Variants in GMDS observed in about 807,000 individuals in gnomAD.
GMDS encodes GDP-mannose 4,6-dehydratase.
GMDS carries 20 observed loss-of-function variants against 49.9 expected under a neutral mutation model. The ratio of observed to expected loss-of-function variants is 0.40; its 90% CI spans 0.28 to 0.58. The LOEUF is 0.58. GMDS is among the 20% of genes least tolerant of loss of function. The pLI is 0.42. For missense variants in GMDS, 362 were observed against 481.4 expected, an observed-to-expected ratio of 0.75 and a Z score of 2.32; for synonymous variants, 177 against 178.6, an observed-to-expected ratio of 0.99 and a Z score of 0.07.
At chr6:2,189,309 G>A (rs913519713) in intron 1 of GMDS, among the ~76,000 whole-genome samples, 1 of 152,180 alleles carries the variant, frequency 6.6e-6, no homozygotes, top group Non-Finnish European at 1.5e-5. Context: ...GAAGGAGACC[G>A]TCAGGGGTGC....
intron 8 of GMDS, among the ~76,000 whole-genome samples, chr6:1,738,631 T>C (rs1767141067): frequency 6.6e-6 from 1 of 151,896 alleles, no homozygotes; most frequent in South Asian, 2.1e-4. Flanking sequence ...TCATGTAATA[T>C]GAGGCAAGGA....
chr6:1,911,593 C>A (rs1246340686), intron 7 of GMDS, among the ~76,000 whole-genome samples: 1 of 148,982 alleles, frequency 6.7e-6, no homozygotes, highest in Non-Finnish European at 1.5e-5. Context: ...AAAGAATGAA[C>A]AGCAATCATG....
At chr6:1,967,769 A>C (rs1346125773) in intron 4 of GMDS, among the ~76,000 whole-genome samples, 1 of 152,202 alleles carries the variant, frequency 6.6e-6, no homozygotes, top group Non-Finnish European at 1.5e-5. Context: ...AAGTCATAGG[A>C]AGCAGGAAAT....
At chr6:2,150,257 G>A (rs553900488) in intron 1 of GMDS, among the ~76,000 whole-genome samples, 2 of 152,198 alleles carry the variant, frequency 1.3e-5, no homozygotes, top group South Asian at 2.1e-4. Flanking sequence ...ATAAATTAAT[G>A]ATTTCACTAA....
At chr6:2,074,360 T>A (rs904572977) in intron 4 of GMDS, among the ~76,000 whole-genome samples, 3 of 151,286 alleles carry the variant, frequency 2.0e-5, no homozygotes, top group African/African-American at 7.4e-5. Flanking sequence ...TTCAATGGGA[T>A]TTTTTTTATT....
chr6:1,959,981 T>A lies in GMDS; in HGVS notation c.539-10A>T. ...TAGAGTTTTGCTGCCCCTGTTGGAATAATTTTTTTTAAGCAATGAAGTTTG... is the reference window on the plus strand; with the variant it reads ...TAGAGTTTTGCTGCCCCTGTTGGAAAAATTTTTTTTAAGCAATGAAGTTTG... On this transcript the variant is annotated splice_polypyrimidine_tract_variant and intron_variant, in intron 5 of 10. Coordinates refer to ENST00000380815, the MANE Select transcript of GMDS (RefSeq NM_001500.4). The A allele has an allele frequency of 1.3e-6, 2 of 1,533,442 alleles. No homozygotes were observed. The highest frequency in any genetic ancestry group is 9.0e-7 in the Non-Finnish European group (1 of 1,117,100). The allele number at this position is 1,533,442 out of a possible 1,614,324, so 95.0% of individuals were successfully genotyped here.
At chr6:2,011,271 T>C (rs1207679225) in intron 4 of GMDS, among the ~76,000 whole-genome samples, 2 of 152,158 alleles carry the variant, frequency 1.3e-5, no homozygotes, top group African/African-American at 4.8e-5. Context: ...ACAGTCCAAA[T>C]GACTATTACT....
At chr6:1,962,727 G>A (rs1764025143) in intron 4 of GMDS, among the ~76,000 whole-genome samples, 1 of 151,424 alleles carries the variant, frequency 6.6e-6, no homozygotes, top group African/African-American at 2.4e-5. Flanking sequence ...TTTTAAATTG[G>A]GTCATTTGTT....
At chr6:1,819,776 A>ATATATATAT (rs1554123178) in intron 7 of GMDS, among the ~76,000 whole-genome samples, 1 of 103,548 alleles carries the variant, frequency 9.7e-6, no homozygotes, top group South Asian at 3.5e-4. Context: ...AAAAAAAAAA[A>ATATATATAT]ATATATATAT....
At chr6:1,759,330 C>A (rs1432616787) in intron 7 of GMDS, among the ~76,000 whole-genome samples, 1 of 152,200 alleles carries the variant, frequency 6.6e-6, no homozygotes, top group Non-Finnish European at 1.5e-5. Context: ...AAAGATGAAG[C>A]AGCTGAAACT....
At chr6:1,843,911 G>A (rs1033466776) in intron 7 of GMDS, among the ~76,000 whole-genome samples, 9 of 152,162 alleles carry the variant, frequency 5.9e-5, no homozygotes, top group South Asian at 2.1e-4. Flanking sequence ...AGGCCATAGC[G>A]TCTGCATGAT....
chr6:1,977,266 A>G (rs2628461), intron 4 of GMDS, among the ~76,000 whole-genome samples: 1 of 152,250 alleles, frequency 6.6e-6, no homozygotes. Flanking sequence ...ACTTATGACA[A>G]TTAACTAAAA....
chr6:2,063,439 A>C (rs1771311687), intron 4 of GMDS, among the ~76,000 whole-genome samples: 1 of 152,244 alleles, frequency 6.6e-6, no homozygotes, highest in South Asian at 2.1e-4. Context: ...CAAAGCACAA[A>C]TATTCACAGC....
intron 9 of GMDS, among the ~76,000 whole-genome samples, chr6:1,648,359 C>T (rs932796573): frequency 2.0e-5 from 3 of 152,196 alleles, no homozygotes; most frequent in Non-Finnish European, 4.4e-5. Context: ...CCTTTCTCTC[C>T]AGCGTCATGC....
intron 1 of GMDS, among the ~76,000 whole-genome samples, chr6:2,145,350 C>T (rs1380990354): frequency 6.6e-6 from 1 of 151,906 alleles, no homozygotes; most frequent in East Asian, 1.9e-4. Context: ...TCCTGGCCAA[C>T]AGGGTGAAAC....
At chr6:1,789,241 G>C (rs1048482900) in intron 7 of GMDS, among the ~76,000 whole-genome samples, 7 of 152,166 alleles carry the variant, frequency 4.6e-5, no homozygotes, top group Admixed American at 4.6e-4. Context: ...ACTGCCCAGG[G>C]TTTCTATTGA....
At chr6:2,220,842 T>A (rs1414874859) in intron 1 of GMDS, among the ~76,000 whole-genome samples, 1 of 152,110 alleles carries the variant, frequency 6.6e-6, no homozygotes, top group Non-Finnish European at 1.5e-5. Flanking sequence ...TACTTGTATG[T>A]CCCTGTTTGA....
chr6:1,843,400 C>T (rs1313639374), intron 7 of GMDS, among the ~76,000 whole-genome samples: 2 of 152,114 alleles, frequency 1.3e-5, no homozygotes, highest in African/African-American at 2.4e-5. Context: ...AGAAAAGAAG[C>T]TACATCAATG....
intron 7 of GMDS, among the ~76,000 whole-genome samples, chr6:1,869,430 G>C (rs567447449): frequency 6.6e-6 from 1 of 152,154 alleles, no homozygotes; most frequent in African/African-American, 2.4e-5. Flanking sequence ...GGTTTAGACA[G>C]CAAAGAAGAG....
Sources: gnomAD v4.1 joint callset for allele counts (sites outside exome capture counted in the v4.1 genomes callset) on GRCh38, gnomAD v4.1.1 for gene constraint, MANE v1.5 for transcripts, NCBI Gene and HGNC (gene_info 2026-07-23, HGNC 2026-07-21) for gene names.